The following ATG7 variants were observed in gnomAD, a reference collection of about 807,000 sequenced individuals.
ATG7 encodes the protein ubiquitin-like modifier-activating enzyme ATG7.
Under a neutral mutation model 82.4 loss-of-function variants are expected in ATG7, and 70 were observed. That is an observed-to-expected ratio of 0.85 (90% confidence interval 0.70 to 1.04). The LOEUF is 1.04. Ranked by LOEUF, ATG7 falls within the 50% of genes least tolerant of loss-of-function variation. The pLI is 0.00. For synonymous variants in ATG7, 287 were observed against 313.0 expected (o/e 0.92, Z 0.88); for missense variants, 792 against 864.3 (o/e 0.92, Z 1.05).
chr3:11,337,484 C>CTT (rs1263847206), intron 11 of ATG7, among the ~76,000 whole-genome samples: 1 of 146,872 alleles, frequency 6.8e-6, no homozygotes, highest in African/African-American at 2.7e-5. Flanking sequence ...CTCTCTCTCT[C>CTT]TCTCTATATA....
At chr3:11,294,017 CA>C (rs148344958) in intron 3 of ATG7, among the ~76,000 whole-genome samples, 53,306 of 98,072 alleles carry the variant, frequency 0.54, 11,178 homozygotes, top group East Asian at 0.62. Flanking sequence ...GACTCCGTCT[CA>C]AAAAAAAAAA....
At chr3:11,392,471 C>A (rs974520216) in intron 19 of ATG7, among the ~76,000 whole-genome samples, 2 of 149,250 alleles carry the variant, frequency 1.3e-5, no homozygotes, top group Admixed American at 6.7e-5. Flanking sequence ...AAAAAACAAA[C>A]AAAAAAAACA....
chr3:11,285,536 G>A (rs1345280537), intron 3 of ATG7, among the ~76,000 whole-genome samples: 3 of 152,060 alleles, frequency 2.0e-5, no homozygotes, highest in Non-Finnish European at 4.4e-5. Flanking sequence ...TGTTTAGCTT[G>A]TGGCTTTTTA....
chr3:11,567,008 T>C, the ATG7 span, among the ~76,000 whole-genome samples: 1 of 152,094 alleles, frequency 6.6e-6, no homozygotes, highest in Non-Finnish European at 1.5e-5. Context: ...TGGAGGCGCA[T>C]TCAAGCCTTT....
At chr3:11,528,664 A>G (rs1170983021) in intron 20 of ATG7, among the ~76,000 whole-genome samples, 8 of 151,838 alleles carry the variant, frequency 5.3e-5, no homozygotes, top group Admixed American at 5.2e-4. Flanking sequence ...CATCTCTACT[A>G]AAAATACAAA....
At chr3:11,540,912 G>T (rs1425866817) in intron 20 of ATG7, among the ~76,000 whole-genome samples, 1 of 134,512 alleles carries the variant, frequency 7.4e-6, no homozygotes, top group Admixed American at 7.2e-5. Context: ...TTTTTTGGGG[G>T]GGGGAGGGGG....
rs1363386252 is a variant in ATG7, at chr3:11,358,475, A to G, written c.1342A>G (p.Ser448Gly). The change falls in exon 15 of 21, where the codon AGT becomes GGT. Residue 448 changes from serine (S) to glycine (G), a missense_variant. Coordinates refer to ENST00000693202, the MANE Select transcript of ATG7 (RefSeq NM_001349232.2). ...GCCTGGGCATCCAGTGAACTTCTCC[A>G]GTGTCACTCTGGAGCAAGCCCGCAG... ...PMPGHPVNFS[S>G]VTLEQARRDV... The G allele has an allele frequency of 3.7e-6, 6 of 1,614,080 alleles. No homozygotes were observed. The highest frequency in any genetic ancestry group is 3.3e-5 in the Admixed American group (2 of 60,016).
At chr3:11,451,791 A>AG (rs2085165373) in intron 20 of ATG7, among the ~76,000 whole-genome samples, 1 of 126,840 alleles carries the variant, frequency 7.9e-6, no homozygotes, top group Non-Finnish European at 1.6e-5. Flanking sequence ...GTCTCAAAAA[A>AG]AAAAAAAACA....
At chr3:11,401,447 T>C (rs3942925) in intron 19 of ATG7, among the ~76,000 whole-genome samples, 78,083 of 152,008 alleles carry the variant, frequency 0.51, 20,972 homozygotes, top group East Asian at 0.68. Context: ...CTTCTAAAAA[T>C]TCATTTTAAA....
intron 3 of ATG7, among the ~76,000 whole-genome samples, chr3:11,294,843 A>G (rs949094175): frequency 6.6e-6 from 1 of 152,188 alleles, no homozygotes; most frequent in African/African-American, 2.4e-5. Context: ...GGCCGGGAGC[A>G]GTGGCTCACA....
rs149735766 is a variant in ATG7, at chr3:11,298,798, C to G, written c.103C>G (p.Leu35Val). ...GFWHELTQKK[L>V]NEYRLDEAPK... ...TTGGCATGAGTTGACCCAGAAGAAG[C>G]TGAACGAGTATCGGCTGGATGAAGC... The change falls in exon 4 of 21, where the codon CTG becomes GTG. Residue 35 changes from leucine (L) to valine (V), a missense_variant. Physicochemically the swap from Leu to Val is conservative, Grantham distance 32 (BLOSUM62 1). Transcript: ENST00000693202. 1.2e-6 allele frequency: 2 copies of G among 1,614,166 alleles called. No individual in the cohort carries two copies. The highest frequency in any genetic ancestry group is 1.7e-5 in the Admixed American group (1 of 60,026).
intron 14 of ATG7, among the ~76,000 whole-genome samples, chr3:11,352,143 T>C (rs1402607034): frequency 5.9e-5 from 9 of 152,172 alleles, no homozygotes; most frequent in Non-Finnish European, 8.8e-5. Flanking sequence ...AGAATGATGA[T>C]TTCCAGCTTC....
chr3:11,298,565 T>C (rs2152689936), intron 3 of ATG7, 121 bp from the exon 4 acceptor site: 2 of 899,232 alleles, frequency 2.2e-6, no homozygotes, highest in South Asian at 1.7e-5. Flanking sequence ...TGTTTCAAGG[T>C]AGCCTGTAAA....
At chr3:11,447,328 G>A (rs1366553131) in intron 20 of ATG7, among the ~76,000 whole-genome samples, 3 of 152,078 alleles carry the variant, frequency 2.0e-5, no homozygotes. Context: ...TTAGCCTGGT[G>A]TGGTGGCAGG....
At position 11,426,971 on chromosome 3, in the gene ATG7, A is replaced by G. The variant is rs559433597; in HGVS notation, c.2079+45A>G. ...TCTGTAGTGAAGACTGACATGCTTA[A>G]AACTATTTGATATTCGCCATATGGA... is the stretch of plus-strand genomic sequence containing the variant. On this transcript the variant is annotated intron_variant, in intron 20 of 20. Coordinates refer to ENST00000693202, the MANE Select transcript of ATG7 (RefSeq NM_001349232.2). 1.5e-4 allele frequency: 228 copies of G among 1,516,056 alleles called. No homozygotes were observed. The South Asian group carries it at 2.5e-3, about 17-fold the overall frequency. The allele number at this position is 1,516,056 out of a possible 1,614,324, so 93.9% of individuals were successfully genotyped here. A position where few individuals can be genotyped will look rare whatever the true frequency, so the allele number is the denominator to read the frequency against.
At chr3:11,333,242 A>AGC (rs1951904877) in intron 11 of ATG7, 149 bp downstream of exon 11, 1 of 1,070,302 alleles carries the variant, frequency 9.3e-7, no homozygotes, top group Non-Finnish European at 1.2e-6. Flanking sequence ...ACCTACTTCG[A>AGC]ACAGAGGGCA....
At chr3:11,288,289 C>G (rs78983796) in intron 3 of ATG7, among the ~76,000 whole-genome samples, 1 of 152,188 alleles carries the variant, frequency 6.6e-6, no homozygotes, top group Non-Finnish European at 1.5e-5. Flanking sequence ...TGAAATTTAT[C>G]TTACTATATA....
At chr3:11,326,294 T>TTTTTG (rs1553614006) in intron 9 of ATG7, among the ~76,000 whole-genome samples, 4 of 151,416 alleles carry the variant, frequency 2.6e-5, no homozygotes, top group African/African-American at 7.3e-5. Flanking sequence ...CTGTTTTTTT[T>TTTTTG]TTGTTGTTGT....
downstream of ATG7, among the ~76,000 whole-genome samples, chr3:11,561,006 T>G (rs1265696099): frequency 6.6e-6 from 1 of 151,842 alleles, no homozygotes; most frequent in Admixed American, 6.6e-5. Context: ...GAGAGCAGAA[T>G]ACCGAGACCT....
Sources: gnomAD v4.1 joint callset for allele counts (sites outside exome capture counted in the v4.1 genomes callset) on GRCh38, gnomAD v4.1.1 for gene constraint, MANE v1.5 for transcripts, NCBI Gene and HGNC (gene_info 2026-07-23, HGNC 2026-07-21) for gene names.